Variants in MCRS1 observed in about 807,000 individuals in gnomAD.
The protein encoded by MCRS1 is microspherule protein 1.
Under a neutral mutation model 62.9 loss-of-function variants are expected in MCRS1, and 22 were observed. The observed-to-expected ratio is 0.35, with a 90% confidence interval of 0.25 to 0.50. The LOEUF is 0.50. Among genes scored for constraint, MCRS1 ranks in the 20% least tolerant of loss-of-function variants. The pLI, the probability that MCRS1 is intolerant of heterozygous loss-of-function variation, is 0.98. For missense variants in MCRS1, 456 were observed against 601.1 expected, an observed-to-expected ratio of 0.76 and a Z score of 2.52; for synonymous variants, 244 against 233.5, an observed-to-expected ratio of 1.04 and a Z score of -0.41.
chr12:49,566,647 C>T (rs561032091), intron 2 of MCRS1, 75 bp downstream of exon 2: 117 of 1,604,302 alleles, frequency 7.3e-5, no homozygotes, highest in East Asian at 4.9e-4. Flanking sequence ...GAAAGACACA[C>T]GTGCCAGGCA....
chr12:49,563,664 C>CT, intron 6 of MCRS1, 118 bp from the exon 7 acceptor site: 4 of 713,998 alleles, frequency 5.6e-6, no homozygotes, highest in Non-Finnish European at 9.3e-6. Flanking sequence ...AGGCCAGGCC[C>CT]TCATTAGGAA....
chr12:49,564,377 G>A, intron 6 of MCRS1, 104 bp downstream of exon 6: 1 of 935,042 alleles, frequency 1.1e-6, no homozygotes, highest in Non-Finnish European at 1.6e-6. Context: ...CAGGAGTCCT[G>A]CCTCCCAGAC....
At chr12:49,560,151 C>T in intron 9 of MCRS1, 144 bp downstream of exon 9, 4 of 1,185,660 alleles carry the variant, frequency 3.4e-6, no homozygotes, top group Non-Finnish European at 5.0e-6. Context: ...CCTAAGAAGG[C>T]CCCAGTGGGA....
intron 1 of MCRS1, among the ~76,000 whole-genome samples, chr12:49,567,493 G>A (rs977163407): frequency 2.0e-5 from 3 of 151,812 alleles, no homozygotes; most frequent in South Asian, 2.1e-4. Flanking sequence ...TTCTAACCAG[G>A]GTGGCTCTTA....
chr12:49,565,991 TTCCCAACA>T (rs1939036005), intron 3 of MCRS1, 78 bp downstream of exon 3: 28 of 1,528,286 alleles, frequency 1.8e-5, no homozygotes, highest in Non-Finnish European at 2.0e-5. Context: ...CAGGCAGCCA[TTCCCAACA>T]GATGGGGAGG....
intron 4 of MCRS1, chr12:49,565,121 T>C (rs1353813178): frequency 2.0e-6 from 2 of 985,282 alleles, no homozygotes; most frequent in East Asian, 2.3e-4. Context: ...GGGTCTTCTC[T>C]TTGCTGGCAG....
chr12:49,565,982 A>T, intron 3 of MCRS1, 95 bp downstream of exon 3: 1 of 1,501,924 alleles, frequency 6.7e-7, no homozygotes, highest in Non-Finnish European at 9.0e-7. Context: ...AGAGGGGCTC[A>T]GGCAGCCATT....
Position 49,565,108 on chromosome 12 carries a change from A to C in MCRS1, c.289-213T>G, listed in dbSNP as rs376824824. On this transcript the variant is annotated intron_variant, in intron 4 of 14. Coordinates refer to ENST00000343810, the MANE Select transcript of MCRS1 (RefSeq NM_006337.5). ...TTACTTCTATATAGTCCTTGACCAT[A>C]CGGGGTCTTCTCTTTGCTGGCAGTA... The C allele has an allele frequency of 1.7e-3, 1,707 of 985,406 alleles. 9 individuals carry two copies. The highest frequency in any genetic ancestry group is 0.013 in the South Asian group (267 of 21,278). The allele number at this position is 985,406 out of a possible 1,614,324, so 61.0% of individuals were successfully genotyped here.
chr12:49,562,675 C>CCATAA (rs1259363008), intron 8 of MCRS1, among the ~76,000 whole-genome samples: 2 of 152,028 alleles, frequency 1.3e-5, no homozygotes. Context: ...TGAATGTTAT[C>CCATAA]CATAATAATT....
chr12:49,565,096 G>A, intron 4 of MCRS1: 2 of 985,406 alleles, frequency 2.0e-6, no homozygotes, highest in African/African-American at 3.5e-5. Flanking sequence ...CTTCTATATA[G>A]TCCTTGACCA....
chr12:49,565,223 G>C (rs765309998), intron 4 of MCRS1: 34 of 985,310 alleles, frequency 3.5e-5, no homozygotes, highest in Non-Finnish European at 4.0e-5. Flanking sequence ...AATGCCACCT[G>C]GGGGTTATTT....
intron 8 of MCRS1, among the ~76,000 whole-genome samples, chr12:49,561,119 G>A (rs1938743817): frequency 6.6e-6 from 1 of 152,040 alleles, no homozygotes; most frequent in Non-Finnish European, 1.5e-5. Context: ...CTAGCTACTC[G>A]GAGCCTGAGG....
At chr12:49,563,684 G>T in intron 6 of MCRS1, 138 bp from the exon 7 acceptor site, 1 of 637,064 alleles carries the variant, frequency 1.6e-6, no homozygotes, top group Non-Finnish European at 2.7e-6. Flanking sequence ...AGGGCCTAAG[G>T]CTTAGCAGAT....
At position 49,566,175 on chromosome 12, in the gene MCRS1, G is replaced by A. The variant is rs1395602577; in HGVS notation, c.51C>T (p.Gly17=). The stretch of plus-strand genomic sequence containing the variant: ...CCTCATCCTCTGAGCGGCTGGCAGT[G>A]CCTGATGCCATCAGGGATGAATCTA... ...GLLDSSLMAS[G]TASRSEDEES... Residue 17 remains glycine (G), a synonymous_variant, in exon 3 of 15, where the codon GGC becomes GGT. Coordinates refer to ENST00000343810, the MANE Select transcript of MCRS1 (RefSeq NM_006337.5). The A allele has an allele frequency of 6.2e-7, 1 of 1,614,174 alleles. No homozygotes were observed. Among genetic ancestry groups the A allele is most frequent in the South Asian group, 1.1e-5 (1 of 91,082 alleles).
Position 49,559,031 on chromosome 12 carries a change from A to T in MCRS1, c.1175-61T>A. 6.2e-7 allele frequency: 1 copy of T among 1,601,610 alleles called. No individual in the cohort carries two copies. The highest frequency in any genetic ancestry group is 1.1e-5 in the South Asian group (1 of 90,600). ...GGGGAGGGATTGATGGGATGGGGAA[A>T]GGCCAGAGAGAGCCAGGAGCTTCCA... On this transcript the variant is annotated intron_variant, in intron 13 of 14. Transcript: ENST00000343810. The surrounding 1 kb of genome is among the most constrained non-coding windows in gnomAD (Gnocchi z 5.2).
rs1565792867 is a variant in MCRS1, at chr12:49,564,851, T to G, written c.333A>C (p.Pro111=). 6 of 1,613,266 alleles carry G rather than the reference T, an allele frequency of 3.7e-6. No individual in the cohort carries two copies. The highest frequency in any genetic ancestry group is 5.1e-6 in the Non-Finnish European group (6 of 1,179,434). Residue 111 remains proline (P), a synonymous_variant, in exon 5 of 15, where the codon CCA becomes CCC. Transcript: ENST00000343810. ...PSTPVPPSPA[P]APGLTKRVKK... is the part of the protein sequence containing the mutation. ...TCACACGCTTGGTGAGTCCAGGGGC[T>G]GGGGCTGGGCTGGGTGGCACAGGAG...
chr12:49,564,440 G>T (rs758856382), intron 6 of MCRS1, 41 bp downstream of exon 6: 1 of 1,545,466 alleles, frequency 6.5e-7, no homozygotes, highest in Non-Finnish European at 8.9e-7. Flanking sequence ...AAATTCTGGT[G>T]TCCCAGTACC....
chr12:49,565,766 T>C (rs1939026378), intron 3 of MCRS1, 99 bp from the exon 4 acceptor site: 1 of 1,540,684 alleles, frequency 6.5e-7, no homozygotes. Context: ...AGTAGGGTGC[T>C]ATCTGCTCCA....
Position 49,558,933 on chromosome 12 carries a change from A to C in MCRS1, c.1212T>G (p.Ile404Met), listed in dbSNP as rs1592518591. The C allele has an allele frequency of 6.2e-7, 1 of 1,612,680 alleles. No homozygotes were observed. The highest frequency in any genetic ancestry group is 8.5e-7 in the Non-Finnish European group (1 of 1,179,986). Residue 404 changes from isoleucine (I) to methionine (M), a missense_variant, in exon 14 of 15, where the codon ATT (isoleucine) becomes ATG (methionine). Physicochemically the swap from Ile to Met is conservative, Grantham distance 10. This residue lies in a region of MCRS1 where 393 missense variants were observed against 523.5 expected (regional missense o/e 0.75). Coordinates refer to ENST00000343810, the MANE Select transcript of MCRS1 (RefSeq NM_006337.5). ...AGATGGGCCGTCGACCCTCATTGGC[A>C]ATGAAGAAATCACCGTTGTTCTTCA... Reference protein sequence around the residue: ...IKLKNNGDFFIANEGRRPIYI... With the variant: ...IKLKNNGDFFMANEGRRPIYI...
Sources: gnomAD v4.1 joint callset for allele counts (sites outside exome capture counted in the v4.1 genomes callset) on GRCh38, gnomAD v4.1.1 for gene constraint, gnomAD v4.1.1 regional missense constraint, Gnocchi (gnomAD v3.1) non-coding constraint, MANE v1.5 for transcripts, NCBI Gene and HGNC (gene_info 2026-07-23, HGNC 2026-07-21) for gene names.